SYTL2: variants seen among roughly 807,000 people sequenced by gnomAD.
SYTL2 encodes the protein synaptotagmin like 2.
In SYTL2, 165 loss-of-function variants were observed where a neutral mutation model predicts 198.7. The ratio of observed to expected loss-of-function variants is 0.83; its 90% CI spans 0.73 to 0.94. The LOEUF is 0.94. SYTL2 is among the 40% of genes least tolerant of loss of function. SYTL2 has a pLI of 0.00. For synonymous variants in SYTL2, 966 were observed against 917.7 expected (o/e 1.05, Z -0.95); for missense variants, 2,835 against 2,582.8 (o/e 1.10, Z -2.12).
intron 1 of SYTL2, among the ~76,000 whole-genome samples, chr11:85,798,986 C>A (rs2153643054): frequency 6.6e-6 from 1 of 152,356 alleles, no homozygotes; most frequent in Non-Finnish European, 1.5e-5. Context: ...CAAAGGCCAA[C>A]TTGCAAGCAG....
chr11:85,704,487 G>C (rs1419207930), intron 16 of SYTL2, among the ~76,000 whole-genome samples: 2 of 152,082 alleles, frequency 1.3e-5, no homozygotes, highest in Non-Finnish European at 2.9e-5. Context: ...GGATATAAAA[G>C]ATTTCAGGAA....
intron 1 of SYTL2, among the ~76,000 whole-genome samples, chr11:85,779,131 C>T (rs1014315858): frequency 1.3e-5 from 2 of 151,956 alleles, no homozygotes; most frequent in African/African-American, 4.8e-5. Context: ...TTTATGAAAT[C>T]GTGAAAACCT....
chr11:85,706,624 G>T (rs186634753), intron 15 of SYTL2, among the ~76,000 whole-genome samples: 62 of 152,290 alleles, frequency 4.1e-4, no homozygotes, highest in African/African-American at 1.5e-3. Context: ...ATAATGAAAA[G>T]AATTCAGGGT....
At chr11:85,780,799 A>G (rs541333712) in intron 1 of SYTL2, among the ~76,000 whole-genome samples, 1 of 152,388 alleles carries the variant, frequency 6.6e-6, no homozygotes, top group Admixed American at 6.5e-5. Context: ...ATTTACAGTC[A>G]GTCAATCAGA....
chr11:85,737,629 A>C lies in SYTL2; in HGVS notation c.417T>G (p.Ser139Arg). ...TGTTTTCCTGGGACATATCAATCAC[A>C]CTGGAAGCTGGATTTACCACACTGG... ...PSSSVVNPASSVIDMSQENTR... is the reference protein window; with the variant it reads ...PSSSVVNPASRVIDMSQENTR... Residue 139 changes from serine to arginine, a missense_variant, in exon 5 of 20, where the codon AGT becomes AGG. Physicochemically the swap from Ser to Arg is moderately radical, Grantham distance 110 (BLOSUM62 -1). Around this residue, in one of 3 missense-constraint regions of SYTL2, gnomAD observed 2,645 missense variants for 2,381.7 expected, o/e 1.11. Coordinates refer to ENST00000359152, the MANE Select transcript of SYTL2 (RefSeq NM_206927.4). 6.2e-7 allele frequency: 1 copy of C among 1,613,894 alleles called. No individual in the cohort carries two copies. Among genetic ancestry groups the C allele is most frequent in the South Asian group, 1.1e-5 (1 of 91,076 alleles).
chr11:85,835,116 T>G, the SYTL2 span, among the ~76,000 whole-genome samples: 1 of 152,170 alleles, frequency 6.6e-6, no homozygotes, highest in Admixed American at 6.5e-5. Flanking sequence ...TATTAAGACA[T>G]AACACCATCA....
chr11:85,771,707 T>C (rs769742702), intron 1 of SYTL2, among the ~76,000 whole-genome samples: 1 of 152,106 alleles, frequency 6.6e-6, no homozygotes, highest in Non-Finnish European at 1.5e-5. Context: ...AGTCACAAGA[T>C]CTGGTTTGAA....
chr11:85,709,562 T>A, intron 13 of SYTL2, 62 bp from the exon 14 acceptor site: 2 of 1,485,936 alleles, frequency 1.3e-6, no homozygotes, highest in Non-Finnish European at 1.9e-6. Context: ...AGCACAAGGA[T>A]CATGGATATA....
At chr11:85,712,524 C>T (rs1591649779) in intron 12 of SYTL2, among the ~76,000 whole-genome samples, 1 of 152,120 alleles carries the variant, frequency 6.6e-6, no homozygotes, top group Non-Finnish European at 1.5e-5. Context: ...ATACCTAGTT[C>T]AACCCTATAC....
Position 85,727,002 on chromosome 11 carries a change from T to C in SYTL2, c.2356A>G (p.Arg786Gly), listed in dbSNP as rs1355173372. 5 of 1,536,476 alleles carry C rather than the reference T, an allele frequency of 3.3e-6. No individual in the cohort carries two copies. Among genetic ancestry groups the C allele is most frequent in the Non-Finnish European group, 4.4e-6 (5 of 1,146,986 alleles). The change falls in exon 8 of 20, where the codon AGA becomes GGA. Residue 786 changes from arginine to glycine, a missense_variant. Physicochemically the swap from Arg to Gly is moderately radical, Grantham distance 125 (BLOSUM62 -2). Transcript: ENST00000359152. Reference sequence around the variant, plus strand: ...TCACTCACTCTTTTGTATTTCTCTCTCTGCACTTGGTTCTTGGGAACCTCA... The same window carrying C: ...TCACTCACTCTTTTGTATTTCTCTCCCTGCACTTGGTTCTTGGGAACCTCA... ...AGEVPKNQVQ[R>G]EKYKRVSDRI...
intron 1 of SYTL2, among the ~76,000 whole-genome samples, chr11:85,761,584 C>A (rs1165675650): frequency 6.6e-6 from 1 of 152,196 alleles, no homozygotes; most frequent in Non-Finnish European, 1.5e-5. Context: ...AAAAAGGCAG[C>A]AAACATTTAC....
At chr11:85,783,619 C>T (rs1332887916) in intron 1 of SYTL2, among the ~76,000 whole-genome samples, 4 of 152,000 alleles carry the variant, frequency 2.6e-5, no homozygotes, top group Admixed American at 2.0e-4. Context: ...TTTTAAGTAC[C>T]TTACATATAT....
the SYTL2 span, among the ~76,000 whole-genome samples, chr11:85,832,728 T>A: frequency 2.6e-5 from 4 of 151,708 alleles, no homozygotes; most frequent in Non-Finnish European, 5.9e-5. Context: ...TAGTGGTCCA[T>A]GCTTCTAATC....
At chr11:85,746,799 C>A (rs2153522860) in intron 3 of SYTL2, among the ~76,000 whole-genome samples, 1 of 152,348 alleles carries the variant, frequency 6.6e-6, no homozygotes, top group Middle Eastern at 3.4e-3. Context: ...ACTGTACGTA[C>A]TAAGCAGTCA....
intron 1 of SYTL2, among the ~76,000 whole-genome samples, chr11:85,787,996 A>C (rs1264854833): frequency 6.6e-6 from 1 of 152,178 alleles, no homozygotes; most frequent in South Asian, 2.1e-4. Flanking sequence ...TTTGCTCTTG[A>C]TGTGTCACCG....
the SYTL2 span, among the ~76,000 whole-genome samples, chr11:85,834,316 T>G: frequency 6.6e-6 from 1 of 152,134 alleles, no homozygotes; most frequent in Non-Finnish European, 1.5e-5. Context: ...TTCTTCCAAG[T>G]TTGTTGCTTC....
intron 1 of SYTL2, among the ~76,000 whole-genome samples, chr11:85,762,004 G>C (rs1445885050): frequency 1.3e-5 from 2 of 152,166 alleles, no homozygotes; most frequent in Middle Eastern, 3.2e-3. Context: ...GGAGAGTGAG[G>C]CTGAGGGGGG....
At chr11:85,799,255 C>T (rs907390862) in intron 1 of SYTL2, among the ~76,000 whole-genome samples, 7 of 152,174 alleles carry the variant, frequency 4.6e-5, no homozygotes, top group African/African-American at 1.4e-4. Flanking sequence ...TTAGTCCCAG[C>T]GCTCTAAGAA....
chr11:85,764,415 A>G (rs1459355750), intron 1 of SYTL2, among the ~76,000 whole-genome samples: 2 of 152,190 alleles, frequency 1.3e-5, no homozygotes, highest in Non-Finnish European at 2.9e-5. Flanking sequence ...CGCTCAAGTT[A>G]AATAACTTGC....
Sources: allele counts gnomAD v4.1 joint callset (sites outside exome capture counted in the v4.1 genomes callset), GRCh38; gene constraint gnomAD v4.1.1; regional missense constraint gnomAD v4.1.1; transcripts MANE v1.5; gene names NCBI Gene and HGNC (gene_info 2026-07-23, HGNC 2026-07-21).